TRPS1: variants seen among roughly 807,000 people sequenced by gnomAD.
The protein encoded by TRPS1 is transcriptional repressor GATA binding 1, also known as zinc finger transcription factor Trps1.
TRPS1 carries 6 observed loss-of-function variants against 101.2 expected under a neutral mutation model. The ratio of observed to expected loss-of-function variants is 0.06; its 90% CI spans 0.03 to 0.12. The LOEUF (loss-of-function observed/expected upper bound fraction) is 0.12. TRPS1 is among the 10% of genes least tolerant of loss of function. TRPS1 has a pLI of 1.00. For synonymous variants in TRPS1, 578 were observed against 589.8 expected, an observed-to-expected ratio of 0.98 and a Z score of 0.29; for missense variants, 1,363 against 1,567.0, an observed-to-expected ratio of 0.87 and a Z score of 2.20.
chr8:115,443,939 A>G (rs1413952838), intron 5 of TRPS1, among the ~76,000 whole-genome samples: 2 of 152,324 alleles, frequency 1.3e-5, no homozygotes, highest in African/African-American at 4.8e-5. Flanking sequence ...CACCTTTCTA[A>G]AAACATAGAT....
chr8:115,476,820 C>A (rs1288234722), intron 5 of TRPS1, among the ~76,000 whole-genome samples: 3 of 152,158 alleles, frequency 2.0e-5, no homozygotes, highest in Non-Finnish European at 4.4e-5. Flanking sequence ...ACAACTGATA[C>A]AACCATGCTT....
intron 1 of TRPS1, among the ~76,000 whole-genome samples, chr8:115,638,941 C>T (rs1818832801): frequency 6.6e-6 from 1 of 152,142 alleles, no homozygotes. Context: ...CCCCATTAGA[C>T]TATAAACTGC....
chr8:115,431,161 T>A (rs1418140845), intron 5 of TRPS1, among the ~76,000 whole-genome samples: 1 of 152,080 alleles, frequency 6.6e-6, no homozygotes, highest in Non-Finnish European at 1.5e-5. Context: ...ATGTTTGACA[T>A]ATATGAGGCA....
intron 1 of TRPS1, among the ~76,000 whole-genome samples, chr8:115,651,773 C>T (rs1028686051): frequency 6.6e-6 from 1 of 151,942 alleles, no homozygotes; most frequent in African/African-American, 2.4e-5. Flanking sequence ...GTTAAGGTTG[C>T]GTAGAAGGCA....
intron 5 of TRPS1, among the ~76,000 whole-genome samples, chr8:115,583,961 C>T (rs6469603): frequency 0.69 from 105,496 of 151,828 alleles, 38,052 homozygotes; most frequent in African/African-American, 0.89. Context: ...AATTTTAGCT[C>T]TTCTTGTGAT....
At chr8:115,574,593 A>T (rs1327959302) in intron 5 of TRPS1, among the ~76,000 whole-genome samples, 2 of 152,178 alleles carry the variant, frequency 1.3e-5, no homozygotes, top group Non-Finnish European at 2.9e-5. Context: ...AATAGCTGTA[A>T]GCAAATGAAA....
intron 5 of TRPS1, among the ~76,000 whole-genome samples, chr8:115,425,582 C>G (rs142525963): frequency 6.6e-6 from 1 of 152,142 alleles, no homozygotes; most frequent in Non-Finnish European, 1.5e-5. Context: ...GGGAGCTACC[C>G]GATATATCAG....
intron 1 of TRPS1, chr8:115,637,236 G>T: frequency 2.0e-6 from 2 of 984,910 alleles, no homozygotes; most frequent in East Asian, 1.1e-4. Context: ...TGGCTCACAT[G>T]GAAGACGTGG....
intron 5 of TRPS1, among the ~76,000 whole-genome samples, chr8:115,505,583 T>C (rs1815422116): frequency 6.6e-6 from 1 of 152,150 alleles, no homozygotes; most frequent in African/African-American, 2.4e-5. Context: ...GGTTTACCAA[T>C]TTCTACTTAT....
chr8:115,587,854 A>G (rs200343029), intron 4 of TRPS1, among the ~76,000 whole-genome samples: 8 of 147,220 alleles, frequency 5.4e-5, no homozygotes, highest in Non-Finnish European at 9.0e-5. Context: ...ACACACACAC[A>G]CGCATCGTGC....
intron 5 of TRPS1, among the ~76,000 whole-genome samples, chr8:115,444,458 G>C (rs953539651): frequency 2.0e-5 from 3 of 152,196 alleles, no homozygotes; most frequent in Non-Finnish European, 2.9e-5. Context: ...TTTAGGTCCA[G>C]GTCAAAGTAC....
At chr8:115,631,418 T>C (rs1441250046) in intron 1 of TRPS1, among the ~76,000 whole-genome samples, 1 of 152,130 alleles carries the variant, frequency 6.6e-6, no homozygotes, top group African/African-American at 2.4e-5. Flanking sequence ...CTACATCTCA[T>C]CAGTGATCTC....
At chr8:115,583,665 A>C (rs997490077) in intron 5 of TRPS1, among the ~76,000 whole-genome samples, 13 of 151,792 alleles carry the variant, frequency 8.6e-5, no homozygotes, top group Admixed American at 6.6e-4. Flanking sequence ...ATTAATATGC[A>C]AAAAAAAGCC....
At position 115,418,437 on chromosome 8, in the gene TRPS1, C is replaced by T. The variant is rs750437220; in HGVS notation, c.2716G>A (p.Gly906Ser). The T allele has an allele frequency of 2.5e-6, 4 of 1,614,078 alleles. No homozygotes were observed. The highest frequency in any genetic ancestry group is 4.5e-5 in the East Asian group (2 of 44,870). ...QSLLRRRRGS[G>S]VFCANCLTTK... ...GTCAGGCAATTGGCACAAAAAACAC[C>T]GGAGCCTCTACGCCTCTGAAACAGG... The change falls in exon 6 of 7, where the codon GGT becomes AGT. Residue 906 changes from glycine to serine, a missense_variant. Physicochemically the swap from Gly to Ser is moderately conservative, Grantham distance 56. Around this residue, in one of 5 missense-constraint regions of TRPS1, gnomAD observed 22 missense variants for 37.9 expected, o/e 0.58. Transcript: ENST00000395715. This position sits in a 1 kb window ranked among gnomAD's most constrained non-coding sequence, Gnocchi z 4.3.
At chr8:115,498,122 C>T (rs1586334135) in intron 5 of TRPS1, among the ~76,000 whole-genome samples, 1 of 151,926 alleles carries the variant, frequency 6.6e-6, no homozygotes, top group Non-Finnish European at 1.5e-5. Context: ...TCACGCCTGT[C>T]ATCCCAGCAC....
rs1817593928 is a variant in TRPS1, at chr8:115,587,552, T to C, written c.2149A>G (p.Thr717Ala). ...TTGAAGTGCTCCAGTAGTGACTGAG[T>C]ATCGGCAGCTGTAAAACTGCACTGA... ...CRQCSFTAAD[T>A]QSLLEHFNTV... The change falls in exon 5 of 7, where the codon ACT becomes GCT. Residue 717 changes from threonine to alanine, a missense_variant. Transcript: ENST00000395715. 6.2e-7 allele frequency: 1 copy of C among 1,614,126 alleles called. No individual in the cohort carries two copies.
chr8:115,588,282 T>C (rs1474917394), intron 4 of TRPS1, among the ~76,000 whole-genome samples: 3 of 152,232 alleles, frequency 2.0e-5, no homozygotes, highest in African/African-American at 7.2e-5. Flanking sequence ...GTGAATTAAA[T>C]ATTGCTCACT....
At chr8:115,559,640 T>A (rs1226227793) in intron 5 of TRPS1, among the ~76,000 whole-genome samples, 1 of 152,150 alleles carries the variant, frequency 6.6e-6, no homozygotes, top group Non-Finnish European at 1.5e-5. Flanking sequence ...GAATCTAGCT[T>A]CATCACATTC....
At chr8:115,626,181 A>G (rs1818505224) in intron 1 of TRPS1, among the ~76,000 whole-genome samples, 1 of 151,748 alleles carries the variant, frequency 6.6e-6, no homozygotes, top group Admixed American at 6.6e-5. Flanking sequence ...TAGCAAAATA[A>G]AAGGAAGGTC....
Sources: gnomAD v4.1 joint callset for allele counts (sites outside exome capture counted in the v4.1 genomes callset) on GRCh38, gnomAD v4.1.1 for gene constraint, gnomAD v4.1.1 regional missense constraint, Gnocchi (gnomAD v3.1) non-coding constraint, MANE v1.5 for transcripts, NCBI Gene and HGNC (gene_info 2026-07-23, HGNC 2026-07-21) for gene names.